Variants in NAV2 observed in about 807,000 individuals in gnomAD.
NAV2 encodes helicase, APC down-regulated 1.
NAV2 carries 54 observed loss-of-function variants against 223.2 expected under a neutral mutation model. That is an observed-to-expected ratio of 0.24 (90% confidence interval 0.19 to 0.30). The LOEUF (loss-of-function observed/expected upper bound fraction) is 0.30. Among genes scored for constraint, NAV2 ranks in the 10% least tolerant of loss-of-function variants. The pLI, the probability that NAV2 is intolerant of heterozygous loss-of-function variation, is 1.00. For missense variants in NAV2, 2,806 were observed against 3,147.5 expected, an observed-to-expected ratio of 0.89 and a Z score of 2.60; for synonymous variants, 1,279 against 1,239.3, an observed-to-expected ratio of 1.03 and a Z score of -0.67.
chr11:19,748,822 A>G (rs1021083372), intron 1 of NAV2, among the ~76,000 whole-genome samples: 1 of 152,266 alleles, frequency 6.6e-6, no homozygotes, highest in East Asian at 1.9e-4. Context: ...CAATGAGCAT[A>G]TCCCTCAGCC....
intron 1 of NAV2, among the ~76,000 whole-genome samples, chr11:19,532,817 A>G (rs953247158): frequency 1.3e-5 from 2 of 152,236 alleles, no homozygotes; most frequent in African/African-American, 2.4e-5. Context: ...CCCACATACA[A>G]GGGGAAGATA....
chr11:19,593,580 C>T (rs2046120238), intron 1 of NAV2, among the ~76,000 whole-genome samples: 2 of 152,188 alleles, frequency 1.3e-5, no homozygotes, highest in South Asian at 4.1e-4. Context: ...TGTTGAGTTA[C>T]ATGGTTAGTA....
intron 1 of NAV2, among the ~76,000 whole-genome samples, chr11:19,811,077 G>A (rs2058812549): frequency 6.6e-6 from 1 of 152,214 alleles, no homozygotes; most frequent in African/African-American, 2.4e-5. Flanking sequence ...CACTGAGGAG[G>A]AAGAGAAAAA....
intron 1 of NAV2, among the ~76,000 whole-genome samples, chr11:19,572,955 G>A (rs1256159939): frequency 6.6e-6 from 1 of 152,146 alleles, no homozygotes; most frequent in African/African-American, 2.4e-5. Flanking sequence ...AACCAACAGG[G>A]TCAACAGCAT....
At chr11:19,845,925 C>T (rs2060781657) in intron 3 of NAV2, among the ~76,000 whole-genome samples, 2 of 152,198 alleles carry the variant, frequency 1.3e-5, no homozygotes, top group South Asian at 4.1e-4. Context: ...GCTGAATACA[C>T]AGGTGACCAA....
intron 1 of NAV2, among the ~76,000 whole-genome samples, chr11:19,550,556 G>A (rs530865792): frequency 6.6e-5 from 10 of 152,290 alleles, no homozygotes; most frequent in Admixed American, 2.0e-4. Flanking sequence ...TCAATAGTCT[G>A]CAAGCAGCAT....
chr11:19,820,243 C>T (rs917021662), intron 1 of NAV2, among the ~76,000 whole-genome samples: 2 of 152,236 alleles, frequency 1.3e-5, no homozygotes, highest in Non-Finnish European at 1.5e-5. Context: ...AATAAGTGTG[C>T]TTGCAGCTGC....
At chr11:19,864,939 C>T (rs2062001683) in intron 3 of NAV2, among the ~76,000 whole-genome samples, 1 of 152,206 alleles carries the variant, frequency 6.6e-6, no homozygotes, top group Non-Finnish European at 1.5e-5. Context: ...GCTAATGCTG[C>T]AAATTCCAGG....
intron 1 of NAV2, among the ~76,000 whole-genome samples, chr11:19,574,800 A>C (rs2045524467): frequency 6.6e-6 from 1 of 152,230 alleles, no homozygotes; most frequent in Non-Finnish European, 1.5e-5. Context: ...GGTGGAACAG[A>C]AAGTGATGAG....
At chr11:19,931,911 G>A (rs1355757753) in intron 6 of NAV2, 3 of 152,376 alleles carry the variant, frequency 2.0e-5, no homozygotes, top group Non-Finnish European at 4.4e-5. Flanking sequence ...ACGGGGCCCA[G>A]TGGAGACGTG....
At chr11:19,486,427 G>C (rs1432485418) in intron 1 of NAV2, among the ~76,000 whole-genome samples, 1 of 152,140 alleles carries the variant, frequency 6.6e-6, no homozygotes, top group Admixed American at 6.6e-5. Flanking sequence ...TTGAACTGTA[G>C]TTTCCATAAT....
intron 1 of NAV2, among the ~76,000 whole-genome samples, chr11:19,392,234 C>A (rs1849277841): frequency 6.6e-6 from 1 of 152,172 alleles, no homozygotes; most frequent in Non-Finnish European, 1.5e-5. Context: ...TCAATCCAAG[C>A]CTTGATTTTC....
intron 5 of NAV2, among the ~76,000 whole-genome samples, chr11:19,883,210 T>C (rs1474037512): frequency 6.6e-6 from 1 of 152,210 alleles, no homozygotes; most frequent in Non-Finnish European, 1.5e-5. Context: ...ATACTAAAGC[T>C]TGGACAACAT....
intron 1 of NAV2, among the ~76,000 whole-genome samples, chr11:19,527,973 A>ACACACAG (rs2043897505): frequency 3.6e-5 from 4 of 112,096 alleles, no homozygotes; most frequent in African/African-American, 8.9e-5. Context: ...CACACACACA[A>ACACACAG]TCCTGGGAAT....
intron 32 of NAV2, among the ~76,000 whole-genome samples, chr11:20,102,977 A>C (rs1210594601): frequency 6.6e-6 from 1 of 152,182 alleles, no homozygotes; most frequent in Non-Finnish European, 1.5e-5. Context: ...CATAAAGAGC[A>C]CAGTGCTGTG....
intron 1 of NAV2, among the ~76,000 whole-genome samples, chr11:19,732,183 C>A (rs1188362540): frequency 6.6e-6 from 1 of 151,652 alleles, no homozygotes; most frequent in Non-Finnish European, 1.5e-5. Context: ...CGCTTGAACC[C>A]AGGAGGCGGA....
At chr11:19,379,266 C>T (rs1278345577) in intron 1 of NAV2, among the ~76,000 whole-genome samples, 4 of 151,872 alleles carry the variant, frequency 2.6e-5, no homozygotes, top group Non-Finnish European at 5.9e-5. Context: ...GGTGACTGGG[C>T]GTGGGGTCAC....
chr11:19,741,387 T>A (rs1399397921), intron 1 of NAV2, among the ~76,000 whole-genome samples: 1 of 152,018 alleles, frequency 6.6e-6, no homozygotes, highest in Non-Finnish European at 1.5e-5. Context: ...ACTTCAACTT[T>A]GTCCCCTTTG....
At chr11:19,576,269 T>C (rs2045568845) in intron 1 of NAV2, among the ~76,000 whole-genome samples, 1 of 152,250 alleles carries the variant, frequency 6.6e-6, no homozygotes, top group Admixed American at 6.5e-5. Flanking sequence ...TGCAAAAACC[T>C]GTTTTCAAGC....
Sources: gnomAD v4.1 joint callset for allele counts (sites outside exome capture counted in the v4.1 genomes callset) on GRCh38, gnomAD v4.1.1 for gene constraint, MANE v1.5 for transcripts, NCBI Gene and HGNC (gene_info 2026-07-23, HGNC 2026-07-21) for gene names.